The following TRIP12 variants were observed in gnomAD, a reference collection of about 807,000 sequenced individuals.
The protein encoded by TRIP12 is E3 ubiquitin-protein ligase TRIP12.
TRIP12 carries 25 observed loss-of-function variants against 244.2 expected under a neutral mutation model. The observed-to-expected ratio is 0.10, with a 90% confidence interval of 0.07 to 0.14. The LOEUF (loss-of-function observed/expected upper bound fraction) is 0.14, where lower values mean the gene tolerates loss of function less well. TRIP12 is among the 10% of genes least tolerant of loss of function. TRIP12 has a pLI of 1.00. For missense variants in TRIP12, 1,677 were observed against 2,486.4 expected (o/e 0.67, Z 6.92); for synonymous variants, 905 against 873.1 (o/e 1.04, Z -0.64).
chr2:229,774,887 G>A (rs1367324523), intron 37 of TRIP12, among the ~76,000 whole-genome samples: 1 of 150,018 alleles, frequency 6.7e-6, no homozygotes, highest in African/African-American at 2.4e-5. Flanking sequence ...TACTTTATAA[G>A]ACAAACGTTA....
rs373111002 is a variant in TRIP12 at position 229,893,114 on chromosome 2, G to A, written c.-49-12986C>T. 3.9e-5 allele frequency among the ~76,000 whole-genome samples: 6 copies of A among 152,220 alleles called. No homozygotes were observed. In the East Asian group the frequency reaches 5.8e-4, roughly 15 times the overall value. On this transcript the variant is annotated intron_variant, in intron 1 of 41. Coordinates refer to ENST00000675903, the MANE Select transcript of TRIP12 (RefSeq NM_001348323.3). ...AAAAGTTGAGAATTGCTCAATACCT[G>A]TAAGTCCCATCTAGCTTCTACAATG...
intron 17 of TRIP12, 63 bp from the exon 18 acceptor site, chr2:229,805,946 A>G: frequency 7.6e-7 from 1 of 1,318,914 alleles, no homozygotes. Flanking sequence ...CTTAAGACAC[A>G]GTGGGGACCC....
At chr2:229,798,282 G>A (rs2043316846) in intron 23 of TRIP12, among the ~76,000 whole-genome samples, 1 of 152,140 alleles carries the variant, frequency 6.6e-6, no homozygotes, top group Admixed American at 6.5e-5. Context: ...GATGGCTTCA[G>A]AAATCCATTC....
intron 4 of TRIP12, among the ~76,000 whole-genome samples, chr2:229,856,168 G>A (rs1229171208): frequency 6.6e-6 from 1 of 152,084 alleles, no homozygotes; most frequent in African/African-American, 2.4e-5. Context: ...TGTTTCAACA[G>A]CTTAGGCTAC....
At chr2:229,912,256 T>G (rs2074427772) in intron 1 of TRIP12, among the ~76,000 whole-genome samples, 2 of 152,204 alleles carry the variant, frequency 1.3e-5, no homozygotes, top group Admixed American at 6.5e-5. Context: ...ACAAAAACTT[T>G]TATATGTAGT....
At chr2:229,816,325 T>TA (rs11311195) in intron 9 of TRIP12, among the ~76,000 whole-genome samples, 34,922 of 140,544 alleles carry the variant, frequency 0.25, 4,648 homozygotes, top group East Asian at 0.41. Context: ...TTTCAGGACT[T>TA]AAAAAAAAAA....
intron 24 of TRIP12, among the ~76,000 whole-genome samples, chr2:229,796,998 T>C (rs1466303906): frequency 6.6e-6 from 1 of 151,918 alleles, no homozygotes; most frequent in East Asian, 1.9e-4. Context: ...GAATCCATAA[T>C]AACATAAGAA....
At chr2:229,847,058 T>G (rs2057716182) in intron 4 of TRIP12, among the ~76,000 whole-genome samples, 1 of 152,208 alleles carries the variant, frequency 6.6e-6, no homozygotes, top group African/African-American at 2.4e-5. Context: ...ATTCATGTAT[T>G]TCTAAGTGCA....
At chr2:229,793,398 AT>A (rs1485812201) in intron 26 of TRIP12, 2 of 263,988 alleles carry the variant, frequency 7.6e-6, no homozygotes, top group Admixed American at 4.9e-5. Context: ...TCTCTGTCCC[AT>A]CATAAATCCA....
At chr2:229,864,047 A>AGAGAGAGAGAGAGAGAGAGAGAGAGT in intron 2 of TRIP12, among the ~76,000 whole-genome samples, 4 of 79,288 alleles carry the variant, frequency 5.0e-5, no homozygotes, top group Admixed American at 3.9e-4. Flanking sequence ...AGAGAGAGAG[A>AGAGAGAGAGAGAGAGAGAGAGAGAGT]GTGTGTGTGT....
intron 26 of TRIP12, among the ~76,000 whole-genome samples, chr2:229,794,353 G>C (rs1559447789): frequency 6.6e-6 from 1 of 152,066 alleles, no homozygotes; most frequent in African/African-American, 2.4e-5. Flanking sequence ...GATCACTTGG[G>C]CCCAAGAGTT....
At chr2:229,776,807 T>G (rs550770788) in intron 37 of TRIP12, among the ~76,000 whole-genome samples, 3 of 152,314 alleles carry the variant, frequency 2.0e-5, no homozygotes, top group Non-Finnish European at 2.9e-5. Context: ...ATTAAAATTA[T>G]ACAGTAATGA....
rs525333 is a variant in TRIP12 at position 229,843,069 on chromosome 2, A to G, written c.1028-2142T>C. Among the ~76,000 whole-genome samples the G allele has an allele frequency of 3.0e-4, 42 of 137,808 alleles. 1 individual carries two copies. The highest frequency in any genetic ancestry group is 8.8e-4 in the African/African-American group (32 of 36,312). The allele number at this position is 137,808 out of a possible 152,430, so 90.4% of individuals were successfully genotyped here. A position where few individuals can be genotyped will look rare whatever the true frequency, so the allele number is the denominator to read the frequency against. ...CTCTCTTTCTCTCTCTCTCTCCCCC[A>G]CTCCTTCCCTCCCTCCCTCCTTCTC... On this transcript the variant is annotated intron_variant, in intron 4 of 41. Coordinates refer to ENST00000675903, the MANE Select transcript of TRIP12 (RefSeq NM_001348323.3).
chr2:229,848,787 T>C (rs943295571), intron 4 of TRIP12, among the ~76,000 whole-genome samples: 14 of 152,148 alleles, frequency 9.2e-5, no homozygotes, highest in South Asian at 2.1e-4. Context: ...GGTGCCAGTA[T>C]TGAAAGACAG....
At chr2:229,798,514 T>A (rs910090963) in intron 23 of TRIP12, among the ~76,000 whole-genome samples, 1 of 148,742 alleles carries the variant, frequency 6.7e-6, no homozygotes, top group Admixed American at 6.7e-5. Context: ...TCCATTGTAA[T>A]GGGTAGAGAA....
At chr2:229,922,840 C>T (rs1297548386), upstream of TRIP12, among the ~76,000 whole-genome samples, 3 of 152,332 alleles carry the variant, frequency 2.0e-5, no homozygotes, top group East Asian at 1.9e-4. Context: ...TCTGCCTCCC[C>T]GCGGTGCCGC....
At chr2:229,877,778 CAG>C (rs1293979654) in intron 2 of TRIP12, among the ~76,000 whole-genome samples, 1 of 152,036 alleles carries the variant, frequency 6.6e-6, no homozygotes, top group Admixed American at 6.5e-5. Flanking sequence ...TTTTAAAAGA[CAG>C]AAGAAATGTC....
rs149676055 is a variant in TRIP12 at position 229,778,321 on chromosome 2, T to G, written c.5364+112A>C. 1.2e-4 allele frequency: 155 copies of G among 1,346,166 alleles called. 2 individuals are homozygous for G. In the East Asian group the frequency reaches 3.6e-3, roughly 31 times the overall value. The allele number at this position is 1,346,166 out of a possible 1,614,324, so 83.4% of individuals were successfully genotyped here. A position where few individuals can be genotyped will look rare whatever the true frequency, so the allele number is the denominator to read the frequency against. Reference sequence around the variant, plus strand: ...ATCCCCAAGTAATTCATATGTGTATTGAAGTTTGAGAAGCATTGCTCTAAA... The same window carrying G: ...ATCCCCAAGTAATTCATATGTGTATGGAAGTTTGAGAAGCATTGCTCTAAA... On this transcript the variant is annotated intron_variant, in intron 36 of 41. Transcript: ENST00000675903. The surrounding 1 kb of genome is among the most constrained non-coding windows in gnomAD (Gnocchi z 4.1).
At chr2:229,878,651 G>A (rs868002838) in intron 2 of TRIP12, among the ~76,000 whole-genome samples, 1 of 149,826 alleles carries the variant, frequency 6.7e-6, no homozygotes, top group Non-Finnish European at 1.5e-5. Flanking sequence ...GCGTGATCTC[G>A]CTCACTGCAA....
Sources: gnomAD v4.1 joint callset for allele counts (sites outside exome capture counted in the v4.1 genomes callset) on GRCh38, gnomAD v4.1.1 for gene constraint, Gnocchi (gnomAD v3.1) non-coding constraint, MANE v1.5 for transcripts, NCBI Gene and HGNC (gene_info 2026-07-23, HGNC 2026-07-21) for gene names.